The following SLC25A48 variants were observed in gnomAD, a reference collection of about 807,000 sequenced individuals.
SLC25A48 encodes the protein solute carrier family 25 member 48, also known as CTC-321K16.1.
SLC25A48 carries 29 observed loss-of-function variants against 32.2 expected under a neutral mutation model. The ratio of observed to expected loss-of-function variants is 0.90; its 90% CI spans 0.67 to 1.23. The LOEUF (loss-of-function observed/expected upper bound fraction) is 1.23. Ranked by LOEUF, SLC25A48 falls within the 50% of genes most tolerant of loss-of-function variation. The pLI is 0.00. For missense variants in SLC25A48, 399 were observed against 422.7 expected (o/e 0.94, Z 0.49); for synonymous variants, 164 against 172.3 (o/e 0.95, Z 0.38).
intron 3 of SLC25A48, among the ~76,000 whole-genome samples, chr5:135,668,339 A>G (rs754457163): frequency 6.6e-6 from 1 of 152,246 alleles, no homozygotes; most frequent in African/African-American, 2.4e-5. Flanking sequence ...CCTTATATCC[A>G]TAAAATATAC....
At chr5:135,601,015 T>C (rs1751785626) in intron 1 of SLC25A48, 1 of 151,994 alleles carries the variant, frequency 6.6e-6, no homozygotes, top group South Asian at 2.1e-4. Flanking sequence ...ACTGACTGAC[T>C]AAATGGATGA....
rs866214602 is a variant in SLC25A48, at chr5:135,692,316, C to T, written c.-521+57360C>T. Among the ~76,000 whole-genome samples, 115 of 61,534 alleles carry T rather than the reference C, an allele frequency of 1.9e-3. 1 individual carries two copies. In the Middle Eastern group the frequency reaches 0.04, roughly 21 times the overall value. The allele number at this position is 61,534 out of a possible 152,430, so 40.4% of individuals were successfully genotyped here. On this transcript the variant is annotated intron_variant, in intron 3 of 10. Transcript: ENST00000646290. ...CCTGAGTGACAGAGCAAGACCCCGTCTCAAAAAAAAAAAAAAAAAGGTAGT... is the reference window on the plus strand; with the variant it reads ...CCTGAGTGACAGAGCAAGACCCCGTTTCAAAAAAAAAAAAAAAAAGGTAGT...
chr5:135,759,800 G>A (rs760450422), intron 3 of SLC25A48, among the ~76,000 whole-genome samples: 1 of 151,346 alleles, frequency 6.6e-6, no homozygotes, highest in Non-Finnish European at 1.5e-5. Flanking sequence ...ATTGAAGAGC[G>A]TGTGTATTTT....
upstream of SLC25A48, among the ~76,000 whole-genome samples, chr5:135,833,670 C>T (rs540496328): frequency 2.0e-4 from 31 of 152,272 alleles, no homozygotes; most frequent in African/African-American, 7.2e-4. Context: ...GACTCCATCC[C>T]GGGCTGTCCT....
intron 3 of SLC25A48, among the ~76,000 whole-genome samples, chr5:135,795,890 C>T (rs1350673818): frequency 2.3e-5 from 3 of 129,314 alleles, no homozygotes; most frequent in East Asian, 2.3e-4. Flanking sequence ...TCATAATATC[C>T]GTGGCGGGGG....
intron 1 of SLC25A48, among the ~76,000 whole-genome samples, chr5:135,622,621 CAT>C (rs1417502822): frequency 6.6e-6 from 1 of 151,614 alleles, no homozygotes; most frequent in African/African-American, 2.4e-5. Context: ...TAATCAGAGA[CAT>C]AGAGAAAAGA....
At chr5:135,617,241 A>G (rs958468281) in intron 1 of SLC25A48, among the ~76,000 whole-genome samples, 6 of 151,980 alleles carry the variant, frequency 3.9e-5, no homozygotes, top group East Asian at 1.9e-4. Flanking sequence ...TAGTTTGTCA[A>G]TATATAGTTG....
chr5:135,785,584 G>A (rs796341234), intron 3 of SLC25A48, among the ~76,000 whole-genome samples: 10 of 147,884 alleles, frequency 6.8e-5, no homozygotes, highest in African/African-American at 2.5e-4. Flanking sequence ...TGCTCCCCAT[G>A]GGGCGAGGGG....
chr5:135,611,326 A>G (rs917286060), intron 1 of SLC25A48, among the ~76,000 whole-genome samples: 2 of 151,658 alleles, frequency 1.3e-5, no homozygotes, highest in African/African-American at 4.8e-5. Flanking sequence ...CCTGGCCAAC[A>G]TGGCGAAACC....
chr5:135,887,328 C>G (rs1486048866), intron 7 of SLC25A48, among the ~76,000 whole-genome samples: 3 of 152,086 alleles, frequency 2.0e-5, no homozygotes, highest in African/African-American at 7.2e-5. Context: ...TTGGGAAACT[C>G]CACCGTATGC....
In SLC25A48 at chr5:135,719,000, C is replaced by G. The variant is rs145707754; in HGVS notation, c.-521+84044C>G. Among the ~76,000 whole-genome samples, 776 of 152,060 alleles carry G rather than the reference C, an allele frequency of 5.1e-3. 2 individuals are homozygous for G. Among genetic ancestry groups the G allele is most frequent in the Non-Finnish European group, 9.0e-3 (612 of 68,010 alleles). Reference sequence around the variant, plus strand: ...AGTACAACTGGGGAGGTTTGAAGATCGGTGGATTGCATGAACAAGATTATC... The same window carrying G: ...AGTACAACTGGGGAGGTTTGAAGATGGGTGGATTGCATGAACAAGATTATC... On this transcript the variant is annotated intron_variant, in intron 3 of 10. Coordinates refer to the SLC25A48 transcript ENST00000646290.
chr5:135,622,005 A>G (rs1580730231), intron 1 of SLC25A48, among the ~76,000 whole-genome samples: 1 of 152,228 alleles, frequency 6.6e-6, no homozygotes, highest in South Asian at 2.1e-4. Flanking sequence ...ATATAAAAGC[A>G]TGATAGAAAA....
intron 3 of SLC25A48, among the ~76,000 whole-genome samples, chr5:135,684,926 G>A (rs1034003463): frequency 3.3e-5 from 5 of 152,026 alleles, no homozygotes; most frequent in African/African-American, 9.7e-5. Context: ...AGACATGCAA[G>A]TAGTCAACTT....
chr5:135,657,266 T>A (rs1488944460), intron 3 of SLC25A48, among the ~76,000 whole-genome samples: 2 of 152,218 alleles, frequency 1.3e-5, no homozygotes, highest in East Asian at 3.8e-4. Flanking sequence ...AACATCCAAA[T>A]ACACAAAGTT....
chr5:135,579,230 A>G (rs549350838), exon 1 of SLC25A48: 11 of 227,020 alleles, frequency 4.8e-5, no homozygotes, highest in Non-Finnish European at 6.8e-5. Flanking sequence ...CGCTCACACA[A>G]CACGCCGCCT....
intron 3 of SLC25A48, among the ~76,000 whole-genome samples, chr5:135,663,078 G>A (rs1162905632): frequency 3.3e-5 from 5 of 152,172 alleles, no homozygotes; most frequent in Non-Finnish European, 7.3e-5. Context: ...GACCTCAAGA[G>A]TCAGCCTTTG....
chr5:135,735,678 G>A (rs1755342886), intron 3 of SLC25A48, among the ~76,000 whole-genome samples: 1 of 152,184 alleles, frequency 6.6e-6, no homozygotes, highest in Non-Finnish European at 1.5e-5. Context: ...CTGGTTCATG[G>A]AGCCAGCGGT....
intron 1 of SLC25A48, among the ~76,000 whole-genome samples, chr5:135,581,727 G>C (rs924892402): frequency 6.6e-6 from 1 of 152,242 alleles, no homozygotes; most frequent in Non-Finnish European, 1.5e-5. Flanking sequence ...CTCAGTCTGT[G>C]TATGCAGATC....
intron 4 of SLC25A48, among the ~76,000 whole-genome samples, chr5:135,814,228 A>G (rs910320432): frequency 3.3e-5 from 5 of 152,152 alleles, no homozygotes; most frequent in East Asian, 1.9e-4. Context: ...TCCATGCTCC[A>G]TCCTTTGGCT....
Sources: gnomAD v4.1 joint callset for allele counts (sites outside exome capture counted in the v4.1 genomes callset) on GRCh38, gnomAD v4.1.1 for gene constraint, MANE v1.5 for transcripts, NCBI Gene and HGNC (gene_info 2026-07-23, HGNC 2026-07-21) for gene names.